CACNA1C: variants seen among roughly 807,000 people sequenced by gnomAD.
CACNA1C encodes voltage-dependent L-type calcium channel subunit alpha-1C.
A neutral mutation model predicts 229.0 loss-of-function variants in CACNA1C; 30 were observed. That is an observed-to-expected ratio of 0.13 (90% CI 0.10 to 0.18). CACNA1C has a LOEUF of 0.18. Among genes scored for constraint, CACNA1C ranks in the 10% least tolerant of loss-of-function variants. The pLI is 1.00. For missense variants in CACNA1C, 1,658 were observed against 2,845.0 expected (o/e 0.58, Z 9.49); for synonymous variants, 1,114 against 1,132.5 (o/e 0.98, Z 0.33).
chr12:2,194,294 CTCCTA>C (rs1487348039), intron 3 of CACNA1C, among the ~76,000 whole-genome samples: 6 of 151,084 alleles, frequency 4.0e-5, no homozygotes, highest in Non-Finnish European at 7.4e-5. Context: ...ATCCCTCCTC[CTCCTA>C]CACCTCCTCT....
At chr12:2,043,688 G>T (rs1363767150) in intron 1 of CACNA1C, among the ~76,000 whole-genome samples, 2 of 120,506 alleles carry the variant, frequency 1.7e-5, no homozygotes, top group Non-Finnish European at 3.2e-5. Context: ...TCGCTCTGTC[G>T]CCCAGGCCGG....
chr12:2,537,987 C>T (rs1288993519), intron 9 of CACNA1C, among the ~76,000 whole-genome samples: 1 of 152,108 alleles, frequency 6.6e-6, no homozygotes, highest in Non-Finnish European at 1.5e-5. Flanking sequence ...CATCCACCTC[C>T]CCGCCAACCC....
At chr12:2,532,995 G>A (rs1389831815) in intron 9 of CACNA1C, among the ~76,000 whole-genome samples, 1 of 152,100 alleles carries the variant, frequency 6.6e-6, no homozygotes, top group Non-Finnish European at 1.5e-5. Flanking sequence ...AACAATCAGC[G>A]TCCCCAACAA....
chr12:2,201,717 G>A (rs911312629), intron 3 of CACNA1C, among the ~76,000 whole-genome samples: 1 of 152,168 alleles, frequency 6.6e-6, no homozygotes, highest in African/African-American at 2.4e-5. Flanking sequence ...ATCAAGTTCT[G>A]GGAGAGGGAA....
At chr12:2,200,343 G>T (rs56271916) in intron 3 of CACNA1C, among the ~76,000 whole-genome samples, 23 of 152,286 alleles carry the variant, frequency 1.5e-4, no homozygotes, top group Non-Finnish European at 1.9e-4. Context: ...TAGAGCAGTG[G>T]CTCTAACCTA....
At chr12:2,321,212 G>A (rs1407136154) in intron 3 of CACNA1C, among the ~76,000 whole-genome samples, 1 of 151,848 alleles carries the variant, frequency 6.6e-6, no homozygotes, top group Admixed American at 6.6e-5. Context: ...GGCTTCCAAG[G>A]TGGTCGTTGG....
At position 2,412,466 on chromosome 12, in the gene CACNA1C, C is replaced by G. The variant is rs566863035; in HGVS notation, c.478-36510C>G. ...CATGGTCTCCAGGAGATAAGAGATG[C>G]ATAAGCTCCAGGAGCCCAGCAGTGA... is the stretch of plus-strand genomic sequence containing the variant. On this transcript the variant is annotated intron_variant, in intron 3 of 46. Transcript: ENST00000399655. 2.0e-3 allele frequency among the ~76,000 whole-genome samples: 300 copies of G among 152,330 alleles called. 2 individuals are homozygous for G. Among genetic ancestry groups the G allele is most frequent in the African/African-American group, 7.0e-3 (292 of 41,572 alleles).
chr12:2,312,534 G>A lies in CACNA1C; in HGVS notation c.478-136442G>A, dbSNP rs140245930. ...ACTTTGAAAATACTCTTTGTGTCCC[G>A]CCAGAACCTCCTCCTCTTCTCTTCA... On this transcript the variant is annotated intron_variant, in intron 3 of 46. Coordinates refer to ENST00000399655, the MANE Select transcript of CACNA1C (RefSeq NM_000719.7). 1.1e-3 allele frequency among the ~76,000 whole-genome samples: 163 copies of A among 152,182 alleles called. 3 individuals carry two copies. Among genetic ancestry groups the A allele is most frequent in the African/African-American group, 3.7e-3 (154 of 41,528 alleles).
chr12:2,576,020 C>G (rs1017983088), intron 13 of CACNA1C, among the ~76,000 whole-genome samples: 1 of 152,042 alleles, frequency 6.6e-6, no homozygotes, highest in Non-Finnish European at 1.5e-5. Flanking sequence ...TAACTTAAAT[C>G]AGGAGAGGCA....
intron 30 of CACNA1C, among the ~76,000 whole-genome samples, chr12:2,636,081 G>T (rs2092613500): frequency 1.3e-5 from 2 of 152,246 alleles, no homozygotes; most frequent in South Asian, 4.1e-4. Flanking sequence ...GTGCCATGCA[G>T]TGCTCAGCCG....
At chr12:2,256,182 C>CT (rs1180406192) in intron 3 of CACNA1C, among the ~76,000 whole-genome samples, 1 of 152,048 alleles carries the variant, frequency 6.6e-6, no homozygotes, top group African/African-American at 2.4e-5. Flanking sequence ...ACTGGAGCTA[C>CT]TAGATCAGAC....
intron 3 of CACNA1C, among the ~76,000 whole-genome samples, chr12:2,235,041 A>G (rs1273398629): frequency 6.6e-6 from 1 of 152,072 alleles, no homozygotes; most frequent in African/African-American, 2.4e-5. Context: ...AACTCTCTTC[A>G]AGGGAAGGAT....
At position 2,519,297 on chromosome 12, in the gene CACNA1C, C is replaced by T. The variant is rs115610452; in HGVS notation, c.1390+6313C>T. Among the ~76,000 whole-genome samples the T allele has an allele frequency of 1.4e-3, 212 of 152,348 alleles. 3 individuals are homozygous for T. Among genetic ancestry groups the T allele is most frequent in the African/African-American group, 4.9e-3 (205 of 41,576 alleles). ...ATGGCACATATGAGTCACACGAACA[C>T]ACGCAAACGCGAGTGCATGCCATAT... On this transcript the variant is annotated intron_variant, in intron 9 of 46. Transcript: ENST00000399655.
rs370676380 is a variant in CACNA1C at position 2,059,196 on chromosome 12, T to A, written c.49+5585T>A. ...ATGACCCCACAGAAAAGCAGAGCTG[T>A]GAGATGGCTGGAGCCTCCGAGAGCT... On this transcript the variant is annotated intron_variant, in intron 1 of 46. Coordinates refer to ENST00000399655, the MANE Select transcript of CACNA1C (RefSeq NM_000719.7). Among the ~76,000 whole-genome samples, 12 of 151,960 alleles carry A rather than the reference T, an allele frequency of 7.9e-5. No homozygotes were observed. In the East Asian group the frequency reaches 2.3e-3, roughly 29 times the overall value.
intron 1 of CACNA1C, among the ~76,000 whole-genome samples, chr12:2,107,224 T>C (rs2079368496): frequency 7.3e-6 from 1 of 137,418 alleles, no homozygotes; most frequent in African/African-American, 2.8e-5. Flanking sequence ...CTGAAGCCGC[T>C]GGGCGTCCTT....
chr12:2,423,455 A>G (rs949508999), intron 3 of CACNA1C, among the ~76,000 whole-genome samples: 2 of 152,164 alleles, frequency 1.3e-5, no homozygotes, highest in South Asian at 4.1e-4. Context: ...CAGTACCTTC[A>G]TCGGTAGGAT....
rs1368348969 is a variant in CACNA1C at position 2,354,098 on chromosome 12, T to C, written c.478-94878T>C. Reference sequence around the variant, plus strand: ...GAAAGTGGCAGAGCTGGGAGGTTGCTCTGAAATGCTGATGGGGATGGAGTG... The same window carrying C: ...GAAAGTGGCAGAGCTGGGAGGTTGCCCTGAAATGCTGATGGGGATGGAGTG... On this transcript the variant is annotated intron_variant, in intron 3 of 46. Transcript: ENST00000399655. The surrounding 1 kb of genome is among the most constrained non-coding windows in gnomAD (Gnocchi z 4.6). Among the ~76,000 whole-genome samples the C allele has an allele frequency of 1.3e-5, 2 of 152,134 alleles. No homozygotes were observed. The highest frequency in any genetic ancestry group is 6.5e-5 in the Admixed American group (1 of 15,278).
intron 10 of CACNA1C, chr12:2,550,549 G>A: frequency 7.4e-7 from 1 of 1,351,670 alleles, no homozygotes. Flanking sequence ...GCCAGTAAGG[G>A]AAGCAGAAGT....
chr12:2,581,930 C>G (rs548107716), intron 14 of CACNA1C, 133 bp downstream of exon 14: 3 of 570,250 alleles, frequency 5.3e-6, no homozygotes, highest in Non-Finnish European at 9.4e-6. Flanking sequence ...AGCCCATGCC[C>G]GGGAGAGTCT....
Sources: gnomAD v4.1 joint callset for allele counts (sites outside exome capture counted in the v4.1 genomes callset) on GRCh38, gnomAD v4.1.1 for gene constraint, Gnocchi (gnomAD v3.1) non-coding constraint, MANE v1.5 for transcripts, NCBI Gene and HGNC (gene_info 2026-07-23, HGNC 2026-07-21) for gene names.